Variants in TMEM117 observed in about 807,000 individuals in gnomAD.
TMEM117 encodes transmembrane protein 117.
In TMEM117, 27 loss-of-function variants were observed where a neutral mutation model predicts 52.4. That is an observed-to-expected ratio of 0.51 (90% CI 0.38 to 0.71). TMEM117 has a LOEUF of 0.71. Ranked by LOEUF, TMEM117 falls within the 30% of genes least tolerant of loss-of-function variation. The pLI, the probability that TMEM117 is intolerant of heterozygous loss-of-function variation, is 0.00. For synonymous variants in TMEM117, 215 were observed against 206.3 expected (o/e 1.04, Z -0.36); for missense variants, 556 against 630.5 (o/e 0.88, Z 1.26).
chr12:43,933,345 C>T (rs5023324), intron 2 of TMEM117, among the ~76,000 whole-genome samples: 100,022 of 150,934 alleles, frequency 0.66, 37,977 homozygotes, highest in Non-Finnish European at 0.82. Flanking sequence ...GGACTACAGG[C>T]GCCAGCCACC....
chr12:44,376,946 A>G (rs1429662415), intron 7 of TMEM117, among the ~76,000 whole-genome samples: 8 of 152,224 alleles, frequency 5.3e-5, no homozygotes, highest in Non-Finnish European at 1.0e-4. Context: ...GTTAGCATCC[A>G]GCAGGCAGAT....
intron 6 of TMEM117, among the ~76,000 whole-genome samples, chr12:44,342,009 C>T (rs964252944): frequency 1.3e-5 from 2 of 152,000 alleles, no homozygotes; most frequent in Non-Finnish European, 2.9e-5. Context: ...TTCTTAGAGG[C>T]TACCATATTC....
At chr12:44,201,411 A>G (rs889320887) in intron 4 of TMEM117, among the ~76,000 whole-genome samples, 52 of 152,186 alleles carry the variant, frequency 3.4e-4, no homozygotes, top group African/African-American at 1.1e-3. Context: ...AAATATAACT[A>G]AAGTAATGGA....
At chr12:44,144,818 T>C (rs1200981358) in intron 4 of TMEM117, among the ~76,000 whole-genome samples, 1 of 152,210 alleles carries the variant, frequency 6.6e-6, no homozygotes, top group Non-Finnish European at 1.5e-5. Flanking sequence ...GAAATAGCAA[T>C]TAGAATAAAC....
chr12:44,094,767 G>T (rs7977654), intron 3 of TMEM117, among the ~76,000 whole-genome samples: 7,293 of 152,050 alleles, frequency 0.048, 575 homozygotes, highest in African/African-American at 0.17. Flanking sequence ...GTGCAAATTA[G>T]GGAAATAACT....
intron 4 of TMEM117, among the ~76,000 whole-genome samples, chr12:44,209,889 C>A (rs967197257): frequency 6.6e-6 from 1 of 152,014 alleles, no homozygotes; most frequent in African/African-American, 2.4e-5. Context: ...TTTTGGATGA[C>A]CCTGCTTGAG....
chr12:43,974,830 T>C (rs1192682814), intron 3 of TMEM117, among the ~76,000 whole-genome samples: 1 of 152,184 alleles, frequency 6.6e-6, no homozygotes, highest in Admixed American at 6.5e-5. Flanking sequence ...TATCTGTTAA[T>C]AATATGTAAT....
the TMEM117 span, among the ~76,000 whole-genome samples, chr12:43,813,085 C>G: frequency 6.6e-6 from 1 of 151,848 alleles, no homozygotes; most frequent in Non-Finnish European, 1.5e-5. Context: ...TCCCTTCAGG[C>G]TCCCAAGAGC....
At chr12:44,075,095 C>G (rs895162974) in intron 3 of TMEM117, among the ~76,000 whole-genome samples, 12 of 152,152 alleles carry the variant, frequency 7.9e-5, no homozygotes, top group Non-Finnish European at 1.8e-4. Flanking sequence ...TTTAGACTGG[C>G]TTAGTCATAA....
At chr12:44,284,241 G>A (rs561232504) in intron 5 of TMEM117, among the ~76,000 whole-genome samples, 6 of 152,234 alleles carry the variant, frequency 3.9e-5, no homozygotes, top group Admixed American at 6.5e-5. Flanking sequence ...GAACCCGAGA[G>A]GTGGAGGTTT....
At chr12:43,915,295 A>G (rs908755736) in intron 2 of TMEM117, among the ~76,000 whole-genome samples, 1 of 152,114 alleles carries the variant, frequency 6.6e-6, no homozygotes, top group African/African-American at 2.4e-5. Flanking sequence ...GGATCCAAGC[A>G]TTGTGCCAGG....
intron 4 of TMEM117, among the ~76,000 whole-genome samples, chr12:44,171,649 C>T (rs1209020341): frequency 1.3e-5 from 2 of 152,122 alleles, no homozygotes; most frequent in Admixed American, 6.5e-5. Context: ...ATAGTAAAAT[C>T]GTTTTACCCA....
the TMEM117 span, among the ~76,000 whole-genome samples, chr12:44,398,377 G>A: frequency 6.6e-6 from 1 of 152,154 alleles, no homozygotes; most frequent in Non-Finnish European, 1.5e-5. Flanking sequence ...CCAGTTTGAA[G>A]CAGGAAGCAT....
chr12:44,152,716 A>C (rs1447968890), intron 4 of TMEM117, among the ~76,000 whole-genome samples: 1 of 135,940 alleles, frequency 7.4e-6, no homozygotes, highest in African/African-American at 2.7e-5. Flanking sequence ...TATATACTAT[A>C]TATAATATAA....
chr12:43,853,553 G>A (rs1162223214), intron 2 of TMEM117, among the ~76,000 whole-genome samples: 1 of 152,170 alleles, frequency 6.6e-6, no homozygotes, highest in Non-Finnish European at 1.5e-5. Flanking sequence ...GGGATTACAG[G>A]CGTGAGCCAC....
intron 3 of TMEM117, among the ~76,000 whole-genome samples, chr12:44,094,784 T>C (rs553040595): frequency 2.4e-4 from 36 of 152,110 alleles, no homozygotes; most frequent in Admixed American, 7.2e-4. Flanking sequence ...AACTTGCATA[T>C]GTGTTAGTGT....
chr12:43,854,188 ATT>A (rs1943359509), intron 2 of TMEM117, among the ~76,000 whole-genome samples: 1 of 152,204 alleles, frequency 6.6e-6, no homozygotes. Flanking sequence ...TTGAAGCAGA[ATT>A]TAAGGGGAAT....
intron 5 of TMEM117, among the ~76,000 whole-genome samples, chr12:44,286,391 T>C (rs938405369): frequency 2.0e-5 from 3 of 151,728 alleles, no homozygotes; most frequent in Admixed American, 1.3e-4. Context: ...TAGAAAAAAA[T>C]CGTCAAATTT....
At chr12:44,084,772 T>C (rs1187735225) in intron 3 of TMEM117, among the ~76,000 whole-genome samples, 2 of 152,222 alleles carry the variant, frequency 1.3e-5, no homozygotes, top group African/African-American at 2.4e-5. Flanking sequence ...ATGGATTCTC[T>C]GCTAAATATA....
Sources: gnomAD v4.1 joint callset for allele counts (sites outside exome capture counted in the v4.1 genomes callset) on GRCh38, gnomAD v4.1.1 for gene constraint, MANE v1.5 for transcripts, NCBI Gene and HGNC (gene_info 2026-07-23, HGNC 2026-07-21) for gene names.